The following SPATA13 variants were observed in gnomAD, a reference collection of about 807,000 sequenced individuals.
SPATA13 encodes the protein spermatogenesis-associated protein 13.
Under a neutral mutation model 104.0 loss-of-function variants are expected in SPATA13, and 50 were observed. That is an observed-to-expected ratio of 0.48 (90% CI 0.38 to 0.61). The LOEUF (loss-of-function observed/expected upper bound fraction) is 0.61. Among genes scored for constraint, SPATA13 ranks in the 20% least tolerant of loss-of-function variants. SPATA13 has a pLI of 0.00. For missense variants in SPATA13, 1,524 were observed against 1,690.6 expected (o/e 0.90, Z 1.73); for synonymous variants, 606 against 667.5 (o/e 0.91, Z 1.42).
chr13:24,067,785 AC>A (rs1879017646), intron 3 of SPATA13, among the ~76,000 whole-genome samples: 1 of 152,042 alleles, frequency 6.6e-6, no homozygotes, highest in Non-Finnish European at 1.5e-5. Flanking sequence ...GGTCACTGCA[AC>A]CTCTGCCTCC....
chr13:24,228,452 G>T (rs780258270), intron 2 of SPATA13, among the ~76,000 whole-genome samples: 7 of 152,112 alleles, frequency 4.6e-5, no homozygotes, highest in Non-Finnish European at 1.0e-4. Flanking sequence ...AGAAAATATA[G>T]TTATGGCTTT....
chr13:24,253,368 C>T (rs1873609508), intron 4 of SPATA13, among the ~76,000 whole-genome samples: 1 of 152,136 alleles, frequency 6.6e-6, no homozygotes, highest in African/African-American at 2.4e-5. Context: ...TAGAAGGAGA[C>T]ACCCAGATCC....
At chr13:24,022,231 T>C (rs1006966766) in intron 3 of SPATA13, among the ~76,000 whole-genome samples, 2 of 151,198 alleles carry the variant, frequency 1.3e-5, no homozygotes, top group African/African-American at 4.9e-5. Context: ...AGATGGGGTT[T>C]CACCATGTTG....
At chr13:23,994,651 G>T (rs9580822) in intron 2 of SPATA13, among the ~76,000 whole-genome samples, 1 of 152,072 alleles carries the variant, frequency 6.6e-6, no homozygotes. Context: ...TCATCATTGA[G>T]TAATGAAGGT....
At chr13:24,178,962 A>G (rs9511112) in intron 1 of SPATA13, among the ~76,000 whole-genome samples, 90,064 of 152,024 alleles carry the variant, frequency 0.59, 29,800 homozygotes, top group Non-Finnish European at 0.76. Context: ...GCCCTAGACA[A>G]CCACTCATCT....
chr13:24,274,165 A>G (rs1874812511), intron 4 of SPATA13, among the ~76,000 whole-genome samples: 1 of 152,230 alleles, frequency 6.6e-6, no homozygotes, highest in Non-Finnish European at 1.5e-5. Context: ...CAATGCAATC[A>G]GAATCCATTG....
intron 1 of SPATA13, among the ~76,000 whole-genome samples, chr13:24,183,126 A>G (rs1593389956): frequency 2.0e-5 from 3 of 152,248 alleles, no homozygotes; most frequent in Non-Finnish European, 4.4e-5. Context: ...TTGAGGGGTT[A>G]TAATTTCCAA....
rs979118014 is a variant in SPATA13 at position 24,188,509 on chromosome 13, A to G, written c.-112+27577A>G. On this transcript the variant is annotated intron_variant, in intron 1 of 12. Transcript: ENST00000382108. ...AAAGTCTAATCCAAAGCAAGTCTCT[A>G]ACTCTCTTTAATTCTGTGAAGACTG... Among the ~76,000 whole-genome samples, 18 of 152,316 alleles carry G rather than the reference A, an allele frequency of 1.2e-4. No individual in the cohort carries two copies. In the East Asian group the frequency reaches 3.3e-3, roughly 28 times the overall value.
chr13:24,238,158 A>ACAGACTCTTGCTCTATCTCC (rs143080676), intron 2 of SPATA13, among the ~76,000 whole-genome samples: 44,550 of 88,926 alleles, frequency 0.5, 11,195 homozygotes, highest in Middle Eastern at 0.62. Flanking sequence ...TTTTTTTGAG[A>ACAGACTCTTGCTCTATCTCC]CAGACTCTTG....
chr13:24,203,245 T>C (rs1041796782), intron 1 of SPATA13, among the ~76,000 whole-genome samples: 4 of 152,014 alleles, frequency 2.6e-5, no homozygotes, highest in Admixed American at 2.6e-4. Context: ...GTGCCCTCTT[T>C]GTAAAAGTAT....
At chr13:24,299,557 C>A (rs1225489648) in intron 11 of SPATA13, among the ~76,000 whole-genome samples, 2 of 152,208 alleles carry the variant, frequency 1.3e-5, no homozygotes, top group African/African-American at 2.4e-5. Flanking sequence ...TCAGGACAGT[C>A]TGGGACAGAT....
chr13:24,238,255 C>G (rs1245365928), intron 2 of SPATA13, among the ~76,000 whole-genome samples: 1 of 149,932 alleles, frequency 6.7e-6, no homozygotes, highest in Non-Finnish European at 1.5e-5. Context: ...CTCCCGGGTT[C>G]AAGCGATTCT....
chr13:24,038,435 T>G (rs1331219636), intron 3 of SPATA13, among the ~76,000 whole-genome samples: 2 of 152,200 alleles, frequency 1.3e-5, no homozygotes, highest in African/African-American at 4.8e-5. Context: ...AAGGGAGTTC[T>G]TATTCTGTTT....
At position 24,088,282 on chromosome 13, in the gene SPATA13, G is replaced by T. The variant is rs1015243108; in HGVS notation, c.-112+70581G>T. ...GCATTCTACAGATGAGCACACCGAG[G>T]CTCAGAGCGGTAAGGAATTGGCCCG... On this transcript the variant is annotated intron_variant, in intron 3 of 14. Coordinates refer to the SPATA13 transcript ENST00000424834. This position sits in a 1 kb window ranked among gnomAD's most constrained non-coding sequence, Gnocchi z 4.3. 2.0e-5 allele frequency among the ~76,000 whole-genome samples: 3 copies of T among 152,164 alleles called. No individual in the cohort carries two copies. The highest frequency in any genetic ancestry group is 7.2e-5 in the African/African-American group (3 of 41,438).
intron 3 of SPATA13, among the ~76,000 whole-genome samples, chr13:24,113,021 C>T: frequency 6.6e-6 from 1 of 152,166 alleles, no homozygotes; most frequent in East Asian, 1.9e-4. Flanking sequence ...TCCTGGAAGC[C>T]TAGGTTCCCA....
intron 2 of SPATA13, among the ~76,000 whole-genome samples, chr13:24,238,030 A>C (rs1872657621): frequency 6.8e-6 from 1 of 148,008 alleles, no homozygotes; most frequent in South Asian, 2.1e-4. Context: ...CCACACACAC[A>C]AAATTAAGTG....
At chr13:24,049,923 A>C (rs1445729477) in intron 3 of SPATA13, among the ~76,000 whole-genome samples, 2 of 152,156 alleles carry the variant, frequency 1.3e-5, no homozygotes, top group Non-Finnish European at 2.9e-5. Flanking sequence ...CCCAGGCTGG[A>C]GTGCAGTAGC....
intron 8 of SPATA13, among the ~76,000 whole-genome samples, chr13:24,289,388 C>T (rs1876177048): frequency 6.6e-6 from 1 of 152,028 alleles, no homozygotes; most frequent in South Asian, 2.1e-4. Context: ...TTCATTTTTT[C>T]AAAATCCTTT....
chr13:24,291,504 G>A (rs1264261348), intron 9 of SPATA13, among the ~76,000 whole-genome samples: 1 of 152,200 alleles, frequency 6.6e-6, no homozygotes, highest in Non-Finnish European at 1.5e-5. Flanking sequence ...CAGGGCATTG[G>A]GCACCTGCTG....
Sources: allele counts gnomAD v4.1 joint callset (sites outside exome capture counted in the v4.1 genomes callset), GRCh38; gene constraint gnomAD v4.1.1; non-coding constraint Gnocchi (gnomAD v3.1); transcripts MANE v1.5; gene names NCBI Gene and HGNC (gene_info 2026-07-23, HGNC 2026-07-21).